The following API5 variants were observed in gnomAD, a reference collection of about 807,000 sequenced individuals.
The protein encoded by API5 is apoptosis inhibitor 5, also known as FIF.
API5 carries 6 observed loss-of-function variants against 71.9 expected under a neutral mutation model. That is an observed-to-expected ratio of 0.08 (90% confidence interval 0.05 to 0.16). The LOEUF (loss-of-function observed/expected upper bound fraction) is 0.16, where lower values mean the gene tolerates loss of function less well. Among genes scored for constraint, API5 ranks in the 10% least tolerant of loss-of-function variants. API5 has a pLI of 1.00. For missense variants in API5, 332 were observed against 612.8 expected, an observed-to-expected ratio of 0.54 and a Z score of 4.84; for synonymous variants, 189 against 221.3, an observed-to-expected ratio of 0.85 and a Z score of 1.30.
At chr11:43,316,528 G>A (rs1854677710) in intron 1 of API5, among the ~76,000 whole-genome samples, 1 of 152,118 alleles carries the variant, frequency 6.6e-6, no homozygotes, top group Admixed American at 6.5e-5. Flanking sequence ...ATTTTATGAA[G>A]CCTGCCTAGA....
rs376998945 is a variant in API5 at position 43,338,648 on chromosome 11, T to A, written c.1492+2654T>A. The stretch of plus-strand genomic sequence containing the variant: ...TAGAAATGGCTGTATCAATTGGAGG[T>A]AAAAAAAAAAAAAAAAAAAAAGCAT... On this transcript the variant is annotated intron_variant, in intron 13 of 13. Coordinates refer to ENST00000531273, the MANE Select transcript of API5 (RefSeq NM_001142930.2). Among the ~76,000 whole-genome samples the A allele has an allele frequency of 3.6e-3, 348 of 96,926 alleles. 1 individual carries two copies. Among genetic ancestry groups the A allele is most frequent in the African/African-American group, 7.8e-3 (193 of 24,618 alleles). The allele number at this position is 96,926 out of a possible 152,430, so 63.6% of individuals were successfully genotyped here.
chr11:43,317,642 G>A (rs571802261), intron 1 of API5, among the ~76,000 whole-genome samples: 3 of 152,204 alleles, frequency 2.0e-5, no homozygotes, highest in Admixed American at 6.5e-5. Context: ...TAAATACAGT[G>A]CAATTCTTTG....
At chr11:43,312,989 C>T (rs576179246) in intron 1 of API5, among the ~76,000 whole-genome samples, 1 of 152,030 alleles carries the variant, frequency 6.6e-6, no homozygotes, top group East Asian at 1.9e-4. Flanking sequence ...CGCTTGTAAT[C>T]CTAGCTACTC....
At position 43,326,560 on chromosome 11, in the gene API5, T is replaced by C; in HGVS notation, c.804T>C (p.Pro268=). The change falls in exon 7 of 14, where the codon CCT becomes CCC. Residue 268 remains proline (P), a synonymous_variant. Coordinates refer to ENST00000531273, the MANE Select transcript of API5 (RefSeq NM_001142930.2). ...CATATTTCTGTGAGCAGGTTCTCCC[T>C]AACCTCGGTACCTTGACTACCCCAG... ...FVTYFCEQVL[P]NLGTLTTPVE... 1 of 1,611,274 alleles carries C rather than the reference T, an allele frequency of 6.2e-7. No homozygotes were observed. The highest frequency in any genetic ancestry group is 8.5e-7 in the Non-Finnish European group (1 of 1,178,546).
chr11:43,336,383 T>A (rs1855434435), intron 13 of API5, among the ~76,000 whole-genome samples: 2 of 152,214 alleles, frequency 1.3e-5, no homozygotes, highest in Admixed American at 1.3e-4. Context: ...AAATGCTCTT[T>A]CTTGGACATA....
intron 10 of API5, 115 bp from the exon 11 acceptor site, chr11:43,330,393 A>C: frequency 1.2e-6 from 1 of 814,652 alleles, no homozygotes; most frequent in Middle Eastern, 2.4e-4. Context: ...GGAATTCTGT[A>C]AAGACTGTAG....
intron 1 of API5, among the ~76,000 whole-genome samples, chr11:43,312,439 G>T (rs1358408695): frequency 6.6e-6 from 1 of 152,066 alleles, no homozygotes; most frequent in Non-Finnish European, 1.5e-5. Context: ...TTTTCTCACC[G>T]TGGCGTAACC....
intron 13 of API5, among the ~76,000 whole-genome samples, chr11:43,338,375 G>A (rs1855502849): frequency 1.3e-5 from 2 of 151,984 alleles, no homozygotes; most frequent in Admixed American, 6.6e-5. Context: ...ATATACCCAC[G>A]TTTAGTTTTC....
intron 9 of API5, 66 bp downstream of exon 9, chr11:43,328,959 T>C (rs952240554): frequency 6.4e-7 from 1 of 1,554,140 alleles, no homozygotes; most frequent in African/African-American, 1.4e-5. Context: ...TTCCTTGGGT[T>C]TTGCTTTTGT....
At chr11:43,342,180 C>CT (rs368730861) in intron 13 of API5, among the ~76,000 whole-genome samples, 6 of 152,270 alleles carry the variant, frequency 3.9e-5, no homozygotes, top group African/African-American at 1.4e-4. Flanking sequence ...CTTGAAACAA[C>CT]TTTGTTACTG....
chr11:43,318,161 CACCACG>C (rs1470708879), intron 1 of API5, among the ~76,000 whole-genome samples: 5 of 152,178 alleles, frequency 3.3e-5, no homozygotes, highest in African/African-American at 1.2e-4. Flanking sequence ...AGGCGCACAC[CACCACG>C]CCTGGCTAAT....
At chr11:43,338,126 T>C (rs1181991332) in intron 13 of API5, among the ~76,000 whole-genome samples, 1 of 152,170 alleles carries the variant, frequency 6.6e-6, no homozygotes, top group African/African-American at 2.4e-5. Flanking sequence ...ATTCTTCTTA[T>C]TAGAAAGAAG....
intron 13 of API5, among the ~76,000 whole-genome samples, chr11:43,342,075 T>C (rs894527098): frequency 3.3e-5 from 5 of 151,736 alleles, no homozygotes; most frequent in African/African-American, 1.2e-4. Flanking sequence ...AGTCCAGAAG[T>C]TCAATGTTAT....
At chr11:43,318,499 G>A (rs768611140) in intron 1 of API5, 141 bp from the exon 2 acceptor site, 2 of 1,539,524 alleles carry the variant, frequency 1.3e-6, no homozygotes, top group South Asian at 1.2e-5. Flanking sequence ...GTCAGTTTGA[G>A]CAGTAAACCT....
Position 43,322,116 on chromosome 11 carries a change from A to G in API5, c.523A>G (p.Ile175Val), listed in dbSNP as rs1415333065. 3 of 1,604,172 alleles carry G rather than the reference A, an allele frequency of 1.9e-6. No homozygotes were observed. The highest frequency in any genetic ancestry group is 2.2e-5 in the East Asian group (1 of 44,726). ...EVLTKEVEEL[I>V]LTESKKVLED... Reference sequence around the variant, plus strand: ...CTTAACAAAGGAAGTGGAAGAGCTTATACTAACTGAATCCAAAAAGGTGAG... The same window carrying G: ...CTTAACAAAGGAAGTGGAAGAGCTTGTACTAACTGAATCCAAAAAGGTGAG... The change falls in exon 5 of 14, where the codon ATA becomes GTA. Residue 175 changes from isoleucine (I) to valine (V), a missense_variant. Physicochemically the swap from Ile to Val is conservative, Grantham distance 29. This residue lies in a region of API5 where 127 missense variants were observed against 237.6 expected (regional missense o/e 0.53). Transcript: ENST00000531273.
At chr11:43,337,007 CAA>C (rs559170436) in intron 13 of API5, among the ~76,000 whole-genome samples, 198 of 66,844 alleles carry the variant, frequency 3.0e-3, no homozygotes, top group Non-Finnish European at 3.8e-3. Flanking sequence ...GACTCCGTCT[CAA>C]AAAAAAAAAA....
At chr11:43,331,453 T>C (rs1301972501) in intron 11 of API5, 3 of 183,834 alleles carry the variant, frequency 1.6e-5, no homozygotes, top group Non-Finnish European at 3.3e-5. Flanking sequence ...ATATGTATTA[T>C]GTACTGTATT....
chr11:43,313,292 ACAAG>A (rs1854553542), intron 1 of API5, among the ~76,000 whole-genome samples: 1 of 152,132 alleles, frequency 6.6e-6, no homozygotes, highest in African/African-American at 2.4e-5. Context: ...AATTATCCAT[ACAAG>A]TCATTTGTTC....
At position 43,330,058 on chromosome 11, in the gene API5, G is replaced by A. The variant is rs1313684267; in HGVS notation, c.1221G>A (p.Glu407=). The change falls in exon 10 of 14, where the codon GAG becomes GAA. Residue 407 remains glutamate, a splice_region_variant and synonymous_variant. Transcript: ENST00000531273. ...CGGGTGAGGCCTTAAAAACAGAAGAGGTAAGAATACTGGCTCACATTTCAT... is the reference window on the plus strand; with the variant it reads ...CGGGTGAGGCCTTAAAAACAGAAGAAGTAAGAATACTGGCTCACATTTCAT... ...GKTGEALKTE[E]NKIKVVALKI... 6.2e-7 allele frequency: 1 copy of A among 1,611,600 alleles called. No homozygotes were observed. The highest frequency in any genetic ancestry group is 8.5e-7 in the Non-Finnish European group (1 of 1,178,106).
Sources: gnomAD v4.1 joint callset for allele counts (sites outside exome capture counted in the v4.1 genomes callset) on GRCh38, gnomAD v4.1.1 for gene constraint, gnomAD v4.1.1 regional missense constraint, MANE v1.5 for transcripts, NCBI Gene and HGNC (gene_info 2026-07-23, HGNC 2026-07-21) for gene names.